SLC4A8: variants seen among roughly 807,000 people sequenced by gnomAD.
SLC4A8 encodes the protein solute carrier family 4 member 8.
A neutral mutation model predicts 125.0 loss-of-function variants in SLC4A8; 40 were observed. The ratio of observed to expected loss-of-function variants is 0.32; its 90% CI spans 0.25 to 0.42. The LOEUF is 0.42. Ranked by LOEUF, SLC4A8 falls within the 10% of genes least tolerant of loss-of-function variation. The pLI is 1.00. For missense variants in SLC4A8, 863 were observed against 1,355.1 expected (o/e 0.64, Z 5.70); for synonymous variants, 456 against 476.0 (o/e 0.96, Z 0.55).
rs1950807355 is a variant in SLC4A8 at position 51,474,600 on chromosome 12, C to T, written c.2010+153C>T. 2.2e-6 allele frequency: 3 copies of T among 1,365,664 alleles called. 1 individual carries two copies. The South Asian group carries it at 4.7e-5, about 22-fold the overall frequency. 84.6% of individuals were successfully genotyped at this position (1,365,664 alleles called of 1,614,324 possible). ...CAATTCTTACTCACTTTCTTTTATC[C>T]TTTCAGAATTTTTCTTGTATGTTAA... On this transcript the variant is annotated intron_variant, in intron 15 of 24. Coordinates refer to ENST00000453097, the MANE Select transcript of SLC4A8 (RefSeq NM_001039960.3).
In SLC4A8 at chr12:51,450,959, C is replaced by T. The variant is rs1159918133; in HGVS notation, c.214C>T (p.Arg72Trp). Residue 72 changes from arginine to tryptophan, a missense_variant, in exon 3 of 25, where the codon CGG becomes TGG. Coordinates refer to ENST00000453097, the MANE Select transcript of SLC4A8 (RefSeq NM_001039960.3). ...TCACCGCACTCATGGCCAGAAGCAC[C>T]GGAGACGAGGGCGGGGCAAAGGAGC... is the stretch of plus-strand genomic sequence containing the variant. ...RHHRTHGQKH[R>W]RRGRGKGASQ... 1 of 1,599,416 alleles carries T rather than the reference C, an allele frequency of 6.3e-7. No homozygotes were observed.
At chr12:51,495,751 G>C (rs1449614958) in intron 21 of SLC4A8, among the ~76,000 whole-genome samples, 1 of 151,644 alleles carries the variant, frequency 6.6e-6, no homozygotes, top group Non-Finnish European at 1.5e-5. Context: ...CAAAGTGCTG[G>C]GATTACAGAC....
chr12:51,513,277 A>T lies in SLC4A8; in HGVS notation c.*5839A>T, dbSNP rs969243423. 6.6e-6 allele frequency: 1 copy of T among 152,232 alleles called. No homozygotes were observed. The highest frequency in any genetic ancestry group is 2.4e-5 in the African/African-American group (1 of 41,470). 9.4% of individuals were successfully genotyped at this position (152,232 alleles called of 1,614,324 possible). On this transcript the variant is annotated 3_prime_UTR_variant, in exon 25 of 25. Transcript: ENST00000453097. Reference sequence around the variant, plus strand: ...TCTTTGTGGCTAGATGTGACTTCCAACTTCTGAAGACAGGATTGCCAAGAG... The same window carrying T: ...TCTTTGTGGCTAGATGTGACTTCCATCTTCTGAAGACAGGATTGCCAAGAG...
At chr12:51,427,096 G>A (rs977479620) in intron 1 of SLC4A8, among the ~76,000 whole-genome samples, 9 of 151,802 alleles carry the variant, frequency 5.9e-5, no homozygotes, top group Non-Finnish European at 8.8e-5. Context: ...CTTCCACCAC[G>A]CCCGGCTAAT....
chr12:51,432,823 G>C (rs769603566), intron 1 of SLC4A8, among the ~76,000 whole-genome samples: 4 of 151,958 alleles, frequency 2.6e-5, no homozygotes, highest in Non-Finnish European at 5.9e-5. Context: ...GACTTTTTTG[G>C]GGGGGGTCTT....
intron 8 of SLC4A8, 66 bp from the exon 9 acceptor site, chr12:51,461,138 T>G: frequency 1.3e-6 from 1 of 769,336 alleles, no homozygotes; most frequent in Non-Finnish European, 2.3e-6. Flanking sequence ...TTATACTGTT[T>G]AGAGAGGACT....
At chr12:51,493,526 T>C (rs1469856470) in intron 19 of SLC4A8, among the ~76,000 whole-genome samples, 178 bp from the exon 20 acceptor site, 1 of 152,212 alleles carries the variant, frequency 6.6e-6, no homozygotes, top group Non-Finnish European at 1.5e-5. Context: ...TTTATCATTG[T>C]CAGCTTCTGC....
Position 51,459,936 on chromosome 12 carries a change from C to T in SLC4A8, c.856-15C>T, listed in dbSNP as rs755884910. 2 of 1,600,638 alleles carry T rather than the reference C, an allele frequency of 1.2e-6. No homozygotes were observed. Among genetic ancestry groups the T allele is most frequent in the Admixed American group, 3.6e-5 (2 of 55,644 alleles). On this transcript the variant is annotated splice_polypyrimidine_tract_variant and intron_variant, in intron 7 of 24. Transcript: ENST00000453097. ...GTGGTTCCCAAGTTGTCAGATGTTT[C>T]TTTTGGACTTTCAGGTAGACCTTCA... is the stretch of plus-strand genomic sequence containing the variant.
In SLC4A8 at chr12:51,514,304, C is replaced by T. The variant is rs1938462083; in HGVS notation, c.*6866C>T. The T allele has an allele frequency of 6.5e-6, 1 of 152,688 alleles. No individual in the cohort carries two copies. Among genetic ancestry groups the T allele is most frequent in the African/African-American group, 2.4e-5 (1 of 41,452 alleles). 9.5% of individuals were successfully genotyped at this position (152,688 alleles called of 1,614,324 possible). A position where few individuals can be genotyped will look rare whatever the true frequency, so the allele number is the denominator to read the frequency against. On this transcript the variant is annotated 3_prime_UTR_variant, in exon 25 of 25. Transcript: ENST00000453097. The stretch of plus-strand genomic sequence containing the variant: ...TCAGCTCTTTTGACTTTCTTCTGGT[C>T]ATAGGTGTTGGGCCTCCCATTAGGT...
chr12:51,439,619 A>G (rs1047671413), intron 1 of SLC4A8, among the ~76,000 whole-genome samples: 2 of 152,162 alleles, frequency 1.3e-5, no homozygotes, highest in African/African-American at 2.4e-5. Flanking sequence ...ACTAAAAAAA[A>G]AAAGAAAGAA....
chr12:51,488,336 G>A (rs914381109), intron 17 of SLC4A8, among the ~76,000 whole-genome samples: 5 of 152,188 alleles, frequency 3.3e-5, no homozygotes, highest in African/African-American at 1.2e-4. Flanking sequence ...TTCTGGGATA[G>A]TAGGTTATTG....
chr12:51,457,502 C>T lies in SLC4A8; in HGVS notation c.726C>T (p.Gly242=), dbSNP rs752295397. The T allele has an allele frequency of 6.2e-7, 1 of 1,613,984 alleles. No individual in the cohort carries two copies. The highest frequency in any genetic ancestry group is 1.1e-5 in the South Asian group (1 of 91,054). ...TTGTTCGCTCCTTTGCTGAGGTTGG[C>T]AAGAAGCAGTCTGATCCTCATTTGA... ...IPIVRSFAEV[G]KKQSDPHLMD... The change falls in exon 6 of 25, where the codon GGC becomes GGT. Residue 242 remains glycine, a synonymous_variant. Coordinates refer to ENST00000453097, the MANE Select transcript of SLC4A8 (RefSeq NM_001039960.3).
intron 17 of SLC4A8, among the ~76,000 whole-genome samples, chr12:51,488,315 TA>T (rs1386526185): frequency 6.6e-6 from 1 of 152,180 alleles, no homozygotes; most frequent in Admixed American, 6.5e-5. Flanking sequence ...AGAAAATGTT[TA>T]GGGGGTGGAT....
upstream of SLC4A8, chr12:51,422,195 A>T (rs1375808105): frequency 6.6e-6 from 1 of 152,212 alleles, no homozygotes; most frequent in Non-Finnish European, 1.5e-5. Context: ...ATAGAAAAAG[A>T]GTAGAGACAT....
chr12:51,471,272 T>C lies in SLC4A8; in HGVS notation c.1659-15T>C. On this transcript the variant is annotated splice_polypyrimidine_tract_variant and intron_variant, in intron 13 of 24. Coordinates refer to ENST00000453097, the MANE Select transcript of SLC4A8 (RefSeq NM_001039960.3). Reference sequence around the variant, plus strand: ...ATCCATCCATGCGTTCTGATGAACTTTGGTCTTGTTTCAGAGACTATGCTC... The same window carrying C: ...ATCCATCCATGCGTTCTGATGAACTCTGGTCTTGTTTCAGAGACTATGCTC... The C allele has an allele frequency of 1.9e-6, 3 of 1,605,720 alleles. No individual in the cohort carries two copies. The highest frequency in any genetic ancestry group is 2.7e-5 in the African/African-American group (2 of 74,982).
intron 1 of SLC4A8, among the ~76,000 whole-genome samples, chr12:51,433,085 C>A (rs541758565): frequency 6.6e-6 from 1 of 152,272 alleles, no homozygotes; most frequent in East Asian, 1.9e-4. Context: ...GTGGCTGCTT[C>A]CAGGAGCTGG....
intron 2 of SLC4A8, among the ~76,000 whole-genome samples, chr12:51,444,628 G>C (rs1348311846): frequency 6.6e-6 from 1 of 152,148 alleles, no homozygotes; most frequent in Admixed American, 6.5e-5. Context: ...AGCCCCTTCT[G>C]TAGTCCCTTT....
chr12:51,410,256 T>C (rs1482685814), intron 1 of SLC4A8, among the ~76,000 whole-genome samples: 4 of 152,216 alleles, frequency 2.6e-5, no homozygotes, highest in African/African-American at 9.7e-5. Context: ...AGTTTTAAAA[T>C]GCATCTTGAA....
intron 1 of SLC4A8, among the ~76,000 whole-genome samples, chr12:51,410,950 C>T (rs1948583826): frequency 6.8e-6 from 1 of 147,678 alleles, no homozygotes; most frequent in Admixed American, 6.8e-5. Flanking sequence ...TCATAACTCA[C>T]TGTAACCTCA....
Sources: allele counts gnomAD v4.1 joint callset (sites outside exome capture counted in the v4.1 genomes callset), GRCh38; gene constraint gnomAD v4.1.1; transcripts MANE v1.5; gene names NCBI Gene and HGNC (gene_info 2026-07-23, HGNC 2026-07-21).